RFX7: variants seen among roughly 807,000 people sequenced by gnomAD.
RFX7 encodes DNA-binding protein RFX7.
In RFX7, 26 loss-of-function variants were observed where a neutral mutation model predicts 111.8. The ratio of observed to expected loss-of-function variants is 0.23; its 90% CI spans 0.17 to 0.32. The LOEUF is 0.32. RFX7 is among the 10% of genes least tolerant of loss of function. The probability of loss-of-function intolerance (pLI) is 1.00; values close to 1 mark genes in which losing one functional copy is unlikely to be tolerated. For missense variants in RFX7, 1,573 were observed against 1,772.9 expected, an observed-to-expected ratio of 0.89 and a Z score of 2.02; for synonymous variants, 624 against 624.4, an observed-to-expected ratio of 1.00 and a Z score of 0.01.
intron 2 of RFX7, among the ~76,000 whole-genome samples, chr15:56,215,606 T>C (rs1468202290): frequency 6.6e-6 from 1 of 152,218 alleles, no homozygotes; most frequent in Admixed American, 6.5e-5. Context: ...ATTTTTGTTT[T>C]AGATTTTCTG....
At chr15:56,233,793 T>C (rs1020255995) in intron 2 of RFX7, among the ~76,000 whole-genome samples, 10 of 152,330 alleles carry the variant, frequency 6.6e-5, no homozygotes, top group Admixed American at 3.9e-4. Context: ...TCTGGTACTC[T>C]GCTCCAGTTC....
intron 2 of RFX7, among the ~76,000 whole-genome samples, chr15:56,199,036 A>G (rs2043170622): frequency 6.6e-6 from 1 of 152,104 alleles, no homozygotes; most frequent in Non-Finnish European, 1.5e-5. Flanking sequence ...GGAAGGACTT[A>G]GCAGATCCTT....
At chr15:56,215,931 T>A (rs551976673) in intron 2 of RFX7, among the ~76,000 whole-genome samples, 91 of 152,086 alleles carry the variant, frequency 6.0e-4, no homozygotes, top group African/African-American at 2.2e-3. Context: ...GCCTTATACC[T>A]CATCACAAGA....
chr15:56,128,814 T>C (rs1450817820), intron 5 of RFX7, among the ~76,000 whole-genome samples: 1 of 151,700 alleles, frequency 6.6e-6, no homozygotes, highest in Admixed American at 6.6e-5. Context: ...TCCTAAGAAA[T>C]ACACTAAACC....
At chr15:56,126,580 A>C (rs1447610232) in intron 5 of RFX7, among the ~76,000 whole-genome samples, 1 of 152,232 alleles carries the variant, frequency 6.6e-6, no homozygotes, top group African/African-American at 2.4e-5. Flanking sequence ...CATTAAATGT[A>C]AATGGATTAA....
At chr15:56,184,728 G>T (rs920312562) in intron 2 of RFX7, among the ~76,000 whole-genome samples, 1 of 152,136 alleles carries the variant, frequency 6.6e-6, no homozygotes, top group Non-Finnish European at 1.5e-5. Context: ...GTGCTCAGTG[G>T]TTCAAACGTT....
Position 56,094,776 on chromosome 15 carries a change from T to C in RFX7, c.2952A>G (p.Leu984=). Residue 984 remains leucine, a synonymous_variant, in exon 10 of 10, where the codon CTA becomes CTG. Transcript: ENST00000559447. ...SLSRESPCSR[L]AQTTPVDSAL... ...CACTATCCACAGGTGTAGTCTGGGC[T>C]AGCCTGGAGCAAGGGCTCTCCCGTG... The C allele has an allele frequency of 6.2e-7, 1 of 1,610,536 alleles. No homozygotes were observed. The highest frequency in any genetic ancestry group is 8.5e-7 in the Non-Finnish European group (1 of 1,178,072).
chr15:56,206,911 C>CAA (rs200811730), intron 2 of RFX7, among the ~76,000 whole-genome samples: 4 of 144,536 alleles, frequency 2.8e-5, no homozygotes, highest in African/African-American at 7.6e-5. Flanking sequence ...TTAATAGTTA[C>CAA]AAAAAAAAAA....
In RFX7 at chr15:56,089,008, G is replaced by T. The variant is rs1316551643; in HGVS notation, c.*4337C>A. On this transcript the variant is annotated 3_prime_UTR_variant, in exon 10 of 10. Transcript: ENST00000559447. ...CTATTTTTTGCAGTGACCACTACTG[G>T]TTGCCTCCCAAAGAGCAAGTCCCTA... is the stretch of plus-strand genomic sequence containing the variant. 1 of 152,062 alleles carries T rather than the reference G, an allele frequency of 6.6e-6. No individual in the cohort carries two copies. The highest frequency in any genetic ancestry group is 1.5e-5 in the Non-Finnish European group (1 of 68,012). 9.4% of individuals were successfully genotyped at this position (152,062 alleles called of 1,614,324 possible).
intron 5 of RFX7, among the ~76,000 whole-genome samples, chr15:56,116,117 C>A (rs1443857225): frequency 2.6e-5 from 4 of 152,134 alleles, no homozygotes; most frequent in African/African-American, 9.7e-5. Context: ...TTATACTACA[C>A]TTAGTTATTC....
intron 2 of RFX7, among the ~76,000 whole-genome samples, chr15:56,241,763 T>C (rs1162100040): frequency 6.6e-6 from 1 of 152,090 alleles, no homozygotes; most frequent in East Asian, 1.9e-4. Context: ...ATCAGACCTA[T>C]TCAAGTTGCC....
chr15:56,195,029 G>A (rs140713882), intron 2 of RFX7, among the ~76,000 whole-genome samples: 29 of 152,102 alleles, frequency 1.9e-4, no homozygotes, highest in Admixed American at 6.5e-4. Context: ...GTGGATGAAT[G>A]GATAAACAAA....
intron 5 of RFX7, among the ~76,000 whole-genome samples, chr15:56,124,635 C>G (rs2042119943): frequency 6.6e-6 from 1 of 152,142 alleles, no homozygotes; most frequent in Non-Finnish European, 1.5e-5. Context: ...TTCCACGTAC[C>G]TATGGCCATT....
intron 3 of RFX7, among the ~76,000 whole-genome samples, chr15:56,150,911 C>T (rs1294286949): frequency 6.6e-6 from 1 of 151,856 alleles, no homozygotes; most frequent in Non-Finnish European, 1.5e-5. Flanking sequence ...ACGAGAACTT[C>T]GTGTAGCATA....
chr15:56,127,708 C>T (rs896400684), intron 5 of RFX7, among the ~76,000 whole-genome samples: 6 of 151,650 alleles, frequency 4.0e-5, no homozygotes, highest in Non-Finnish European at 7.4e-5. Context: ...CCACCATGCC[C>T]GGCTAATTTT....
rs1222143484 is a variant in RFX7 at position 56,091,116 on chromosome 15, CATGT to C, written c.*2225_*2228del. 1.3e-5 allele frequency: 2 copies of C among 152,506 alleles called. No individual in the cohort carries two copies. 9.4% of individuals were successfully genotyped at this position (152,506 alleles called of 1,614,324 possible). ...ATAACACTCATGCACATTTTGTGAT[CATGT>C]ATTAACATGGTGAAGCAAACTAAAC... On this transcript the variant is annotated 3_prime_UTR_variant, in exon 10 of 10. Transcript: ENST00000559447.
At chr15:56,132,761 C>T (rs1432140316) in intron 5 of RFX7, among the ~76,000 whole-genome samples, 1 of 151,982 alleles carries the variant, frequency 6.6e-6, no homozygotes, top group Non-Finnish European at 1.5e-5. Context: ...ATATTTATGT[C>T]TTTAATAAAT....
At chr15:56,161,728 A>G (rs1356653401) in intron 3 of RFX7, among the ~76,000 whole-genome samples, 1 of 152,098 alleles carries the variant, frequency 6.6e-6, no homozygotes, top group Non-Finnish European at 1.5e-5. Context: ...GTAGTATCAT[A>G]GTATCTTTGG....
intron 2 of RFX7, among the ~76,000 whole-genome samples, chr15:56,212,742 T>TA: frequency 6.6e-6 from 1 of 152,238 alleles, no homozygotes; most frequent in South Asian, 2.1e-4. Context: ...TTCATACGTA[T>TA]ATCCAACAAA....
Sources: gnomAD v4.1 joint callset for allele counts (sites outside exome capture counted in the v4.1 genomes callset) on GRCh38, gnomAD v4.1.1 for gene constraint, MANE v1.5 for transcripts, NCBI Gene and HGNC (gene_info 2026-07-23, HGNC 2026-07-21) for gene names.